Variants in ACOXL observed in about 807,000 individuals in gnomAD.
ACOXL encodes acyl-CoA oxidase like, also known as acyl-coenzyme A oxidase-like protein.
Under a neutral mutation model 71.9 loss-of-function variants are expected in ACOXL, and 70 were observed. The ratio of observed to expected loss-of-function variants is 0.97; its 90% CI spans 0.80 to 1.19. The LOEUF (loss-of-function observed/expected upper bound fraction) is 1.19, where lower values mean the gene tolerates loss of function less well. Among genes scored for constraint, ACOXL ranks in the 50% most tolerant of loss-of-function variants. The pLI is 0.00. For synonymous variants in ACOXL, 253 were observed against 281.6 expected (o/e 0.90, Z 1.02); for missense variants, 703 against 736.3 (o/e 0.95, Z 0.52).
intron 16 of ACOXL, among the ~76,000 whole-genome samples, chr2:111,087,262 A>C (rs1040883405): frequency 7.9e-5 from 12 of 152,358 alleles, no homozygotes; most frequent in Admixed American, 5.2e-4. Flanking sequence ...TATTCCTATC[A>C]AACTATCAAT....
At chr2:110,807,358 A>G (rs1242391520) in intron 9 of ACOXL, among the ~76,000 whole-genome samples, 3 of 152,088 alleles carry the variant, frequency 2.0e-5, no homozygotes, top group Non-Finnish European at 4.4e-5. Flanking sequence ...GACAGCTGTT[A>G]TTTGTGTGAT....
At chr2:111,057,966 C>A (rs137990903) in intron 16 of ACOXL, among the ~76,000 whole-genome samples, 1 of 47,594 alleles carries the variant, frequency 2.1e-5, no homozygotes, top group East Asian at 4.2e-4. Flanking sequence ...CCTACCCATG[C>A]GAGTCTAGCA....
chr2:110,977,069 A>G (rs2062477462), intron 12 of ACOXL, among the ~76,000 whole-genome samples: 3 of 152,186 alleles, frequency 2.0e-5, no homozygotes, highest in Admixed American at 2.0e-4. Flanking sequence ...TTTAGAGATC[A>G]AGTATATTTA....
At chr2:110,774,924 G>T (rs1682446612) in intron 2 of ACOXL, among the ~76,000 whole-genome samples, 1 of 152,226 alleles carries the variant, frequency 6.6e-6, no homozygotes, top group South Asian at 2.1e-4. Context: ...AAAATTTACT[G>T]CAAAGCTACT....
chr2:110,873,245 AGG>A (rs1321538299), intron 10 of ACOXL, among the ~76,000 whole-genome samples: 1 of 151,940 alleles, frequency 6.6e-6, no homozygotes, highest in East Asian at 1.9e-4. Flanking sequence ...CTCGGGCAAC[AGG>A]GGGCTGGTGG....
intron 9 of ACOXL, among the ~76,000 whole-genome samples, chr2:110,810,885 C>T (rs2105412495): frequency 6.6e-6 from 1 of 152,314 alleles, no homozygotes; most frequent in Non-Finnish European, 1.5e-5. Context: ...AACTTACAGT[C>T]ATGGCAGAAG....
At chr2:110,796,291 T>A (rs1383378288) in intron 5 of ACOXL, 1 of 152,248 alleles carries the variant, frequency 6.6e-6, no homozygotes, top group Non-Finnish European at 1.5e-5. Context: ...TTTATTTTTA[T>A]ACTTTATTCT....
At chr2:111,101,603 G>T (rs887768814) in intron 17 of ACOXL, among the ~76,000 whole-genome samples, 4 of 151,560 alleles carry the variant, frequency 2.6e-5, no homozygotes, top group African/African-American at 9.7e-5. Context: ...GGGTTTCTCG[G>T]TCACTCACCT....
chr2:110,769,227 AAAG>A (rs1220598240), intron 2 of ACOXL, among the ~76,000 whole-genome samples: 1 of 69,850 alleles, frequency 1.4e-5, no homozygotes, highest in Non-Finnish European at 3.0e-5. Context: ...CCTCATGAAA[AAAG>A]AAAGAAAGAA....
intron 15 of ACOXL, among the ~76,000 whole-genome samples, chr2:111,044,964 G>T (rs890262393): frequency 2.6e-5 from 4 of 152,118 alleles, no homozygotes; most frequent in African/African-American, 9.7e-5. Flanking sequence ...TTATCTAAAA[G>T]TCTCTGGTTC....
chr2:111,051,178 A>T (rs2066272630), intron 16 of ACOXL, among the ~76,000 whole-genome samples: 1 of 152,142 alleles, frequency 6.6e-6, no homozygotes, highest in South Asian at 2.1e-4. Context: ...TGCCGAGTTC[A>T]TATATACTGA....
chr2:110,926,988 C>T (rs1322821309), intron 11 of ACOXL, among the ~76,000 whole-genome samples: 1 of 152,140 alleles, frequency 6.6e-6, no homozygotes, highest in African/African-American at 2.4e-5. Flanking sequence ...AAAGAACTAC[C>T]TGAGATTGGG....
At chr2:110,846,705 C>T (rs1311569071) in intron 10 of ACOXL, among the ~76,000 whole-genome samples, 3 of 136,924 alleles carry the variant, frequency 2.2e-5, no homozygotes, top group African/African-American at 7.9e-5. Context: ...CAACCACTTC[C>T]ACTGCTGACC....
At chr2:110,809,848 G>A (rs1276280603) in intron 9 of ACOXL, among the ~76,000 whole-genome samples, 1 of 152,174 alleles carries the variant, frequency 6.6e-6, no homozygotes, top group East Asian at 1.9e-4. Flanking sequence ...ATGGAGTGGT[G>A]GTGTGGCTCT....
intron 12 of ACOXL, among the ~76,000 whole-genome samples, chr2:110,949,054 C>T (rs191854831): frequency 4.1e-4 from 63 of 152,082 alleles, no homozygotes; most frequent in South Asian, 1.5e-3. Context: ...AGAAGCAGAA[C>T]CATGAAAAAT....
At chr2:110,788,095 G>A (rs1684208978) in intron 3 of ACOXL, among the ~76,000 whole-genome samples, 1 of 152,068 alleles carries the variant, frequency 6.6e-6, no homozygotes, top group Non-Finnish European at 1.5e-5. Flanking sequence ...CAAAAAGTAG[G>A]ACATAAAAAT....
chr2:110,810,534 A>G (rs1249580483), intron 9 of ACOXL, among the ~76,000 whole-genome samples: 1 of 151,728 alleles, frequency 6.6e-6, no homozygotes, highest in African/African-American at 2.4e-5. Context: ...CCATCCACCC[A>G]TCCATCATCC....
intron 2 of ACOXL, among the ~76,000 whole-genome samples, chr2:110,779,472 G>A (rs1683064985): frequency 6.6e-6 from 1 of 152,174 alleles, no homozygotes; most frequent in African/African-American, 2.4e-5. Context: ...CAAATTTACA[G>A]GTTGCTTCAA....
chr2:110,837,477 A>G (rs1366154266), intron 9 of ACOXL, among the ~76,000 whole-genome samples: 1 of 152,138 alleles, frequency 6.6e-6, no homozygotes, highest in Non-Finnish European at 1.5e-5. Context: ...AAAAATTATT[A>G]TTATTTTACA....
Sources: gnomAD v4.1 joint callset for allele counts (sites outside exome capture counted in the v4.1 genomes callset) on GRCh38, gnomAD v4.1.1 for gene constraint, MANE v1.5 for transcripts, NCBI Gene and HGNC (gene_info 2026-07-23, HGNC 2026-07-21) for gene names.